PSME1: variants seen among roughly 807,000 people sequenced by gnomAD.
The protein encoded by PSME1 is proteasome activator complex subunit 1.
PSME1 carries 15 observed loss-of-function variants against 38.4 expected under a neutral mutation model. That is an observed-to-expected ratio of 0.39 (90% CI 0.26 to 0.60). PSME1 has a LOEUF of 0.60. Ranked by LOEUF, PSME1 falls within the 20% of genes least tolerant of loss-of-function variation. PSME1 has a pLI of 0.53. For synonymous variants in PSME1, 106 were observed against 106.8 expected, an observed-to-expected ratio of 0.99 and a Z score of 0.05; for missense variants, 249 against 305.6, an observed-to-expected ratio of 0.81 and a Z score of 1.38.
At position 24,136,962 on chromosome 14, in the gene PSME1, G is replaced by C. The variant is rs1211706800; in HGVS notation, c.40-23G>C. 6.2e-7 allele frequency: 1 copy of C among 1,614,072 alleles called. No individual in the cohort carries two copies. The highest frequency in any genetic ancestry group is 1.1e-5 in the South Asian group (1 of 91,076). On this transcript the variant is annotated intron_variant, in intron 1 of 10. Coordinates refer to ENST00000206451, the MANE Select transcript of PSME1 (RefSeq NM_006263.4). This position sits in a 1 kb window ranked among gnomAD's most constrained non-coding sequence, Gnocchi z 4.8. ...GAACTGGCCTTAAAGCCAAGTTTCT[G>C]AAGGGATGCGTGTGCCCCACAGGTG... is the stretch of plus-strand genomic sequence containing the variant.
Position 24,138,879 on chromosome 14 carries a change from C to G in PSME1, c.*63C>G. The G allele has an allele frequency of 1.3e-6, 2 of 1,590,870 alleles. No homozygotes were observed. The highest frequency in any genetic ancestry group is 1.7e-6 in the Non-Finnish European group (2 of 1,165,134). On this transcript the variant is annotated 3_prime_UTR_variant, in exon 11 of 11. Transcript: ENST00000206451. Reference sequence around the variant, plus strand: ...ACCTTCCTGCTTTTTACTGGGGACTCCAGATTTTCCCCAAACTTGCTTCTG... The same window carrying G: ...ACCTTCCTGCTTTTTACTGGGGACTGCAGATTTTCCCCAAACTTGCTTCTG...
rs1945474131 is a variant in PSME1 at position 24,136,273 on chromosome 14, T to G, written c.11T>G (p.Leu4Arg). The G allele has an allele frequency of 6.5e-7, 1 of 1,530,538 alleles. No individual in the cohort carries two copies. Among genetic ancestry groups the G allele is most frequent in the African/African-American group, 1.4e-5 (1 of 69,620 alleles). 94.8% of individuals were successfully genotyped at this position (1,530,538 alleles called of 1,614,324 possible). A position where few individuals can be genotyped will look rare whatever the true frequency, so the allele number is the denominator to read the frequency against. MAM[L>R]RVQPEAQAKV... ...CCCCCCGTCCCGGTCATGGCCATGC[T>G]CAGGGTCCAGCCCGAGGCCCAAGCC... The change falls in exon 1 of 11, where the codon CTC (leucine) becomes CGC (arginine). Residue 4 changes from leucine to arginine, a missense_variant. Coordinates refer to ENST00000206451, the MANE Select transcript of PSME1 (RefSeq NM_006263.4). The surrounding 1 kb of genome is among the most constrained non-coding windows in gnomAD (Gnocchi z 4.8).
At chr14:24,138,289 G>A (rs766894696) in intron 8 of PSME1, 26 bp downstream of exon 8, 2 of 1,614,012 alleles carry the variant, frequency 1.2e-6, no homozygotes, top group African/African-American at 2.7e-5. Flanking sequence ...TGTGCACACT[G>A]TTTTTGTTTT....
At position 24,136,437 on chromosome 14, in the gene PSME1, GC is replaced by G; in HGVS notation, c.39+140del. 1.2e-6 allele frequency: 1 copy of G among 856,876 alleles called. No individual in the cohort carries two copies. Among genetic ancestry groups the G allele is most frequent in the Non-Finnish European group, 1.6e-6 (1 of 608,402 alleles). The allele number at this position is 856,876 out of a possible 1,614,324, so 53.1% of individuals were successfully genotyped here. A position where few individuals can be genotyped will look rare whatever the true frequency, so the allele number is the denominator to read the frequency against. Reference sequence around the variant, plus strand: ...GAGCTGGCGCGCCCGGAGCACCTGCGCCCCGGGGAGGGCGGCGACTGCTGCC... The same window carrying G: ...GAGCTGGCGCGCCCGGAGCACCTGCGCCCGGGGAGGGCGGCGACTGCTGCC... On this transcript the variant is annotated intron_variant, in intron 1 of 10. Transcript: ENST00000206451. This position sits in a 1 kb window ranked among gnomAD's most constrained non-coding sequence, Gnocchi z 4.8.
rs1352711298 is a variant in PSME1 at position 24,136,538 on chromosome 14, C to T, written c.39+237C>T. Among the ~76,000 whole-genome samples, 1 of 152,152 alleles carries T rather than the reference C, an allele frequency of 6.6e-6. No individual in the cohort carries two copies. Among genetic ancestry groups the T allele is most frequent in the South Asian group, 2.1e-4 (1 of 4,830 alleles). On this transcript the variant is annotated intron_variant, in intron 1 of 10. Transcript: ENST00000206451. This position sits in a 1 kb window ranked among gnomAD's most constrained non-coding sequence, Gnocchi z 4.8. ...AGAGCTGGCGTGGAGGGGAACTCCG[C>T]TGGCCTGGGGCCGGGGCCACACACA...
rs768794398 is a variant in PSME1 at position 24,137,811 on chromosome 14, C to T, written c.390+14C>T. The T allele has an allele frequency of 3.7e-6, 6 of 1,611,102 alleles. No homozygotes were observed. The highest frequency in any genetic ancestry group is 5.1e-6 in the Non-Finnish European group (6 of 1,177,248). The stretch of plus-strand genomic sequence containing the variant: ...CAGCTCAACCTGGTAAGCCCTCCCC[C>T]TTAAACTCTCAGGCTTCAAGTCAAA... On this transcript the variant is annotated intron_variant, in intron 6 of 10. Transcript: ENST00000206451.
chr14:24,136,195 CCG>C lies in PSME1; in HGVS notation c.-66_-65del. On this transcript the variant is annotated 5_prime_UTR_variant, in exon 1 of 11. Transcript: ENST00000206451. The surrounding 1 kb of genome is among the most constrained non-coding windows in gnomAD (Gnocchi z 4.8). ...GGCGGAGCTGGGTGCGAGCGCCCTA[CCG>C]CTTTCGCTTTCCCTTCGCGGTGCCC... is the stretch of plus-strand genomic sequence containing the variant. 6.7e-7 allele frequency: 1 copy of C among 1,487,614 alleles called. No homozygotes were observed. The highest frequency in any genetic ancestry group is 9.0e-7 in the Non-Finnish European group (1 of 1,109,608). The allele number at this position is 1,487,614 out of a possible 1,614,324, so 92.2% of individuals were successfully genotyped here.
Position 24,138,020 on chromosome 14 carries a change from T to A in PSME1, c.391-29T>A, listed in dbSNP as rs375425940. ...AACTGGGAATTGGGTAGAGGGCTGA[T>A]GTGGCATTATGCCATTCCCTCTTCC... is the stretch of plus-strand genomic sequence containing the variant. On this transcript the variant is annotated intron_variant, in intron 6 of 10. Transcript: ENST00000206451. 3.0e-5 allele frequency: 49 copies of A among 1,610,300 alleles called. No homozygotes were observed. In the African/African-American group the frequency reaches 5.9e-4, roughly 19 times the overall value.
rs777294582 is a variant in PSME1, at chr14:24,137,754, G to A, written c.347G>A (p.Arg116His). 12 of 1,614,236 alleles carry A rather than the reference G, an allele frequency of 7.4e-6. No individual in the cohort carries two copies. The highest frequency in any genetic ancestry group is 2.2e-5 in the East Asian group (1 of 44,884). The change falls in exon 6 of 11, where the codon CGC (arginine) becomes CAC (histidine). Residue 116 changes from arginine to histidine, a missense_variant. Coordinates refer to ENST00000206451, the MANE Select transcript of PSME1 (RefSeq NM_006263.4). ...GAAAAGATCGTGGTCCTTCTGCAGC[G>A]CTTGAAGCCTGAGATCAAGGATGTC... Reference protein sequence around the residue: ...CNEKIVVLLQRLKPEIKDVIE... With the variant: ...CNEKIVVLLQHLKPEIKDVIE...
chr14:24,136,312 C>G lies in PSME1; in HGVS notation c.39+11C>G. 1 of 1,521,932 alleles carries G rather than the reference C, an allele frequency of 6.6e-7. No individual in the cohort carries two copies. The highest frequency in any genetic ancestry group is 8.8e-7 in the Non-Finnish European group (1 of 1,135,934). The allele number at this position is 1,521,932 out of a possible 1,614,324, so 94.3% of individuals were successfully genotyped here. Reference sequence around the variant, plus strand: ...GAGGCCCAAGCCAAGGTGAGCGCCGCGGGGTCTAGAAAGGGCCCACTGGGG... The same window carrying G: ...GAGGCCCAAGCCAAGGTGAGCGCCGGGGGGTCTAGAAAGGGCCCACTGGGG... On this transcript the variant is annotated intron_variant, in intron 1 of 10. Coordinates refer to ENST00000206451, the MANE Select transcript of PSME1 (RefSeq NM_006263.4). This position sits in a 1 kb window ranked among gnomAD's most constrained non-coding sequence, Gnocchi z 4.8.
intron 2 of PSME1, 58 bp from the exon 3 acceptor site, chr14:24,137,085 C>T (rs2037916953): frequency 1.2e-6 from 2 of 1,613,760 alleles, no homozygotes; most frequent in Admixed American, 1.7e-5. Context: ...TGCCTCACTA[C>T]CTAGGACGGG....
chr14:24,137,150 A>T lies in PSME1; in HGVS notation c.80A>T (p.Asn27Ile), dbSNP rs1252958897. The change falls in exon 3 of 11, where the codon AAC (asparagine) becomes ATC (isoleucine). Residue 27 changes from asparagine (N) to isoleucine (I), a missense_variant. Coordinates refer to ENST00000206451, the MANE Select transcript of PSME1 (RefSeq NM_006263.4). ...FREDLCTKTENLLGSYFPKKI... is the reference protein window; with the variant it reads ...FREDLCTKTEILLGSYFPKKI... The stretch of plus-strand genomic sequence containing the variant: ...CCCCCACCTCACACACAGACAGAGA[A>T]CCTGCTCGGGAGCTATTTCCCCAAG... 2 of 1,613,992 alleles carry T rather than the reference A, an allele frequency of 1.2e-6. No individual in the cohort carries two copies. The highest frequency in any genetic ancestry group is 1.7e-5 in the Admixed American group (1 of 59,996).
chr14:24,137,384 G>C lies in PSME1; in HGVS notation c.199G>C (p.Asp67His). Residue 67 changes from aspartate (D) to histidine (H), a missense_variant, in exon 4 of 11, where the codon GAT becomes CAT. Transcript: ENST00000206451. ...LKAPLDIPVP[D>H]PVKEKEKEER... ...GGCCCCATTGGACATCCCAGTGCCT[G>C]ATCCAGTCAAGGAGAAAGAGAAAGA... 1 of 1,614,112 alleles carries C rather than the reference G, an allele frequency of 6.2e-7. No homozygotes were observed. The highest frequency in any genetic ancestry group is 8.5e-7 in the Non-Finnish European group (1 of 1,180,034).
In PSME1 at chr14:24,138,474, G is replaced by T; in HGVS notation, c.583G>T (p.Gly195Cys). Residue 195 changes from glycine to cysteine, a missense_variant and splice_region_variant, in exon 10 of 11, where the codon GGT becomes TGT. Physicochemically the swap from Gly to Cys is radical, Grantham distance 159. Transcript: ENST00000206451. ...VTKAAKQPHV[G>C]DYRQLVHELD... ...CAGGCCTGACCCGAGCTTCCCACAG[G>T]GTGATTATCGGCAGCTGGTGCACGA... is the stretch of plus-strand genomic sequence containing the variant. The T allele has an allele frequency of 1.9e-6, 3 of 1,614,088 alleles. No homozygotes were observed.
At position 24,136,249 on chromosome 14, in the gene PSME1, C is replaced by T. The variant is rs565776502; in HGVS notation, c.-14C>T. The T allele has an allele frequency of 1.1e-5, 16 of 1,523,598 alleles. No homozygotes were observed. In the African/African-American group the frequency reaches 1.7e-4, roughly 16 times the overall value. 94.4% of individuals were successfully genotyped at this position (1,523,598 alleles called of 1,614,324 possible). ...CTCCACTCCTTGTGCGGCGCTAGGCCCCCCGTCCCGGTCATGGCCATGCTC... is the reference window on the plus strand; with the variant it reads ...CTCCACTCCTTGTGCGGCGCTAGGCTCCCCGTCCCGGTCATGGCCATGCTC... On this transcript the variant is annotated 5_prime_UTR_variant, in exon 1 of 11. Transcript: ENST00000206451. This position sits in a 1 kb window ranked among gnomAD's most constrained non-coding sequence, Gnocchi z 4.8.
chr14:24,137,715 C>T lies in PSME1; in HGVS notation c.308C>T (p.Pro103Leu), dbSNP rs2037934696. ...CACTCTCTAGGTCCTCCCTGTGGCC[C>T]AGTGAACTGCAATGAAAAGATCGTG... ...EDEDKGPPCG[P>L]VNCNEKIVVL... Residue 103 changes from proline (P) to leucine (L), a missense_variant, in exon 6 of 11, where the codon CCA (proline) becomes CTA (leucine). Physicochemically the swap from Pro to Leu is moderately conservative, Grantham distance 98. Coordinates refer to ENST00000206451, the MANE Select transcript of PSME1 (RefSeq NM_006263.4). 6.2e-7 allele frequency: 1 copy of T among 1,614,170 alleles called. No individual in the cohort carries two copies. Among genetic ancestry groups the T allele is most frequent in the Non-Finnish European group, 8.5e-7 (1 of 1,180,014 alleles).
At chr14:24,137,655 T>A (rs1455048067) in intron 5 of PSME1, 45 bp from the exon 6 acceptor site, 2 of 1,610,678 alleles carry the variant, frequency 1.2e-6, no homozygotes, top group Non-Finnish European at 1.7e-6. Flanking sequence ...CCTTCGCCCC[T>A]CACACAGGCT....
chr14:24,136,928 TCCTCAAATGAACTGG>T lies in PSME1; in HGVS notation c.40-53_40-39del, dbSNP rs2037912679. On this transcript the variant is annotated intron_variant, in intron 1 of 10. Transcript: ENST00000206451. The surrounding 1 kb of genome is among the most constrained non-coding windows in gnomAD (Gnocchi z 4.8). The stretch of plus-strand genomic sequence containing the variant: ...GCCCTACATAACCCTAAGGGAACTG[TCCTCAAATGAACTGG>T]CCTTAAAGCCAAGTTTCTGAAGGGA... 13 of 1,608,920 alleles carry T rather than the reference TCCTCAAATGAACTGG, an allele frequency of 8.1e-6. No homozygotes were observed. In the South Asian group the frequency reaches 1.4e-4, roughly 18 times the overall value.
Position 24,136,421 on chromosome 14 carries a change from C to T in PSME1, c.39+120C>T, listed in dbSNP as rs1008849921. ...TCGGGGGCAGTCGGCCGAGCTGGCG[C>T]GCCCGGAGCACCTGCGCCCCGGGGA... On this transcript the variant is annotated intron_variant, in intron 1 of 10. Transcript: ENST00000206451. This position sits in a 1 kb window ranked among gnomAD's most constrained non-coding sequence, Gnocchi z 4.8. 13 of 1,039,734 alleles carry T rather than the reference C, an allele frequency of 1.3e-5. No individual in the cohort carries two copies. Among genetic ancestry groups the T allele is most frequent in the South Asian group, 4.1e-5 (2 of 48,346 alleles). 64.4% of individuals were successfully genotyped at this position (1,039,734 alleles called of 1,614,324 possible).
Sources: gnomAD v4.1 joint callset for allele counts (sites outside exome capture counted in the v4.1 genomes callset) on GRCh38, gnomAD v4.1.1 for gene constraint, Gnocchi (gnomAD v3.1) non-coding constraint, MANE v1.5 for transcripts, NCBI Gene and HGNC (gene_info 2026-07-23, HGNC 2026-07-21) for gene names.